Variants in LVRN observed in about 807,000 individuals in gnomAD.
LVRN encodes aminopeptidase Q.
Under a neutral mutation model 111.4 loss-of-function variants are expected in LVRN, and 99 were observed. That is an observed-to-expected ratio of 0.89 (90% CI 0.76 to 1.05). The LOEUF is 1.05. LVRN is among the 50% of genes least tolerant of loss of function. The pLI, the probability that LVRN is intolerant of heterozygous loss-of-function variation, is 0.00. For missense variants in LVRN, 1,414 were observed against 1,206.8 expected (o/e 1.17, Z -2.54); for synonymous variants, 488 against 449.5 (o/e 1.09, Z -1.08).
intron 4 of LVRN, among the ~76,000 whole-genome samples, chr5:115,988,860 G>A (rs1747923782): frequency 6.6e-6 from 1 of 152,116 alleles, no homozygotes; most frequent in Non-Finnish European, 1.5e-5. Flanking sequence ...TGGCATTTCT[G>A]GGGCTGGAGG....
chr5:116,001,070 A>G lies in LVRN; in HGVS notation c.1651A>G (p.Ile551Val), dbSNP rs866648934. Residue 551 changes from isoleucine to valine, a missense_variant, in exon 10 of 20, where the codon ATA (isoleucine) becomes GTA (valine). Physicochemically the swap from Ile to Val is conservative, Grantham distance 29 (BLOSUM62 3). Coordinates refer to ENST00000357872, the MANE Select transcript of LVRN (RefSeq NM_173800.5). ...TTGTGGTGATTTTTTAAAACAGGCC[A>G]TAGATGACCAGAGTACAGTTATTTT... is the stretch of plus-strand genomic sequence containing the variant. ...DDLWRHFQMA[I>V]DDQSTVILPA... 4 of 1,599,568 alleles carry G rather than the reference A, an allele frequency of 2.5e-6. No individual in the cohort carries two copies. Among genetic ancestry groups the G allele is most frequent in the Admixed American group, 1.8e-5 (1 of 54,820 alleles).
At chr5:115,974,388 T>A (rs959880056) in intron 1 of LVRN, 3 of 152,258 alleles carry the variant, frequency 2.0e-5, no homozygotes, top group Admixed American at 6.5e-5. Context: ...AAACTCTTAG[T>A]GGTAATGCTG....
intron 10 of LVRN, 96 bp downstream of exon 10, chr5:116,001,335 T>G: frequency 7.3e-7 from 1 of 1,369,064 alleles, no homozygotes; most frequent in Non-Finnish European, 1.0e-6. Context: ...TTACCCCCGC[T>G]GGGCATACAC....
chr5:116,005,281 G>T (rs1389420110), intron 12 of LVRN, among the ~76,000 whole-genome samples: 4 of 152,232 alleles, frequency 2.6e-5, no homozygotes, highest in Admixed American at 2.6e-4. Flanking sequence ...GGTGCTGAAG[G>T]TATGATGTAG....
At chr5:115,983,237 C>T in intron 1 of LVRN, 50 bp from the exon 2 acceptor site, 2 of 1,473,332 alleles carry the variant, frequency 1.4e-6, no homozygotes, top group Non-Finnish European at 9.0e-7. Context: ...TTTTTTATTC[C>T]ACTGGGTTGA....
At chr5:115,972,718 A>T (rs1450335052) in intron 1 of LVRN, among the ~76,000 whole-genome samples, 1 of 151,690 alleles carries the variant, frequency 6.6e-6, no homozygotes, top group African/African-American at 2.4e-5. Context: ...ATTAATTATG[A>T]TTTTTCCTAT....
chr5:116,012,526 C>T (rs1438417083), intron 15 of LVRN, 58 bp downstream of exon 15: 3 of 1,003,084 alleles, frequency 3.0e-6, no homozygotes, highest in African/African-American at 1.7e-5. Context: ...AATAGGCTTC[C>T]AGAAGTAATA....
chr5:115,964,823 T>A (rs1733752762), intron 1 of LVRN, among the ~76,000 whole-genome samples: 1 of 152,246 alleles, frequency 6.6e-6, no homozygotes. Flanking sequence ...GTTCTACAGA[T>A]GTTCATAAAC....
At position 116,026,050 on chromosome 5, in the gene LVRN, A is replaced by C. The variant is rs1477992885; in HGVS notation, c.2905A>C (p.Lys969Gln). 6.2e-7 allele frequency: 1 copy of C among 1,613,852 alleles called. No individual in the cohort carries two copies. The highest frequency in any genetic ancestry group is 2.2e-5 in the East Asian group (1 of 44,890). Residue 969 changes from lysine to glutamine, a missense_variant, in exon 20 of 20, where the codon AAG becomes CAG. By Grantham distance (53) the Lys-to-Gln change is moderately conservative. Coordinates refer to ENST00000357872, the MANE Select transcript of LVRN (RefSeq NM_173800.5). The stretch of plus-strand genomic sequence containing the variant: ...AGTTCATGCCAACTTACAGACAATA[A>C]AGAATGAAAATCTGAAAAACAAGAA... ...IRVHANLQTIKNENLKNKKLS... is the reference protein window; with the variant it reads ...IRVHANLQTIQNENLKNKKLS...
rs755289857 is a variant in LVRN at position 116,026,540 on chromosome 5, T to C, written c.*422T>C. Reference sequence around the variant, plus strand: ...GGTTTATTTAGTTCAACATTGAAGATTGAAAAGACTAATGAGAAGATAACA... The same window carrying C: ...GGTTTATTTAGTTCAACATTGAAGACTGAAAAGACTAATGAGAAGATAACA... On this transcript the variant is annotated 3_prime_UTR_variant, in exon 20 of 20. Coordinates refer to ENST00000357872, the MANE Select transcript of LVRN (RefSeq NM_173800.5). The C allele has an allele frequency of 4.7e-6, 1 of 214,010 alleles. No individual in the cohort carries two copies. Among genetic ancestry groups the C allele is most frequent in the Non-Finnish European group, 9.3e-6 (1 of 107,958 alleles). The allele number at this position is 214,010 out of a possible 1,614,324, so 13.3% of individuals were successfully genotyped here.
At chr5:115,976,164 C>T (rs1561555081) in intron 1 of LVRN, 1 of 152,282 alleles carries the variant, frequency 6.6e-6, no homozygotes, top group East Asian at 1.9e-4. Flanking sequence ...TTCTGCCACC[C>T]CTATATCCTT....
intron 6 of LVRN, among the ~76,000 whole-genome samples, chr5:115,997,594 A>G (rs1218228413): frequency 6.6e-6 from 1 of 151,908 alleles, no homozygotes; most frequent in Non-Finnish European, 1.5e-5. Flanking sequence ...AGCCTAGGAA[A>G]TTGAAGCTGC....
At position 116,002,928 on chromosome 5, in the gene LVRN, A is replaced by T; in HGVS notation, c.1897+17A>T. 1.3e-6 allele frequency: 2 copies of T among 1,553,350 alleles called. No homozygotes were observed. The highest frequency in any genetic ancestry group is 1.8e-6 in the Non-Finnish European group (2 of 1,131,272). ...AAAGCAGCAGTAAGTAACAAATTTTAAAAACATCTTTATATATATGCATAT... is the reference window on the plus strand; with the variant it reads ...AAAGCAGCAGTAAGTAACAAATTTTTAAAACATCTTTATATATATGCATAT... On this transcript the variant is annotated intron_variant, in intron 11 of 19. Coordinates refer to ENST00000357872, the MANE Select transcript of LVRN (RefSeq NM_173800.5).
chr5:115,994,208 C>T (rs1466538964), intron 6 of LVRN, among the ~76,000 whole-genome samples: 2 of 152,034 alleles, frequency 1.3e-5, no homozygotes. Context: ...ATTATTTTCA[C>T]TTATTCCTAC....
rs1455558740 is a variant in LVRN, at chr5:116,027,544, G to C, written c.*1426G>C. On this transcript the variant is annotated 3_prime_UTR_variant, in exon 20 of 20. Transcript: ENST00000357872. ...ACTTGGCCACAGGTCATAGGTCAGA[G>C]AATTTTTTCTTCAAATGTAGAAATG... 2 of 152,196 alleles carry C rather than the reference G, an allele frequency of 1.3e-5. No homozygotes were observed. 9.4% of individuals were successfully genotyped at this position (152,196 alleles called of 1,614,324 possible).
At chr5:115,978,966 A>C (rs1346159326) in intron 1 of LVRN, among the ~76,000 whole-genome samples, 1 of 151,746 alleles carries the variant, frequency 6.6e-6, no homozygotes, top group Non-Finnish European at 1.5e-5. Flanking sequence ...TTTTTCTACA[A>C]TTTCCTTGAC....
chr5:116,011,153 T>C (rs539451726), intron 14 of LVRN, among the ~76,000 whole-genome samples: 27 of 151,398 alleles, frequency 1.8e-4, no homozygotes, highest in African/African-American at 6.5e-4. Flanking sequence ...TGACAGTATG[T>C]CCTAAGAAAC....
chr5:115,971,958 GTA>G (rs34147260), intron 1 of LVRN, among the ~76,000 whole-genome samples: 120,445 of 151,010 alleles, frequency 0.8, 48,159 homozygotes, highest in Non-Finnish European at 0.84. Flanking sequence ...CATAAACATG[GTA>G]TATATCTCTC....
chr5:115,980,150 G>A (rs532637296), intron 1 of LVRN, among the ~76,000 whole-genome samples: 47 of 152,188 alleles, frequency 3.1e-4, no homozygotes, highest in Admixed American at 3.9e-4. Flanking sequence ...AGACTTAATG[G>A]ACACCATAAT....
Sources: allele counts gnomAD v4.1 joint callset (sites outside exome capture counted in the v4.1 genomes callset), GRCh38; gene constraint gnomAD v4.1.1; transcripts MANE v1.5; gene names NCBI Gene and HGNC (gene_info 2026-07-23, HGNC 2026-07-21).